Variants in SORCS1 observed in about 807,000 individuals in gnomAD.
The protein encoded by SORCS1 is sortilin related VPS10 domain containing receptor 1, also known as VPS10 domain-containing receptor SorCS1.
SORCS1 carries 60 observed loss-of-function variants against 146.1 expected under a neutral mutation model. That is an observed-to-expected ratio of 0.41 (90% CI 0.33 to 0.51). The LOEUF is 0.51. SORCS1 is among the 20% of genes least tolerant of loss of function. SORCS1 has a pLI of 0.21. For synonymous variants in SORCS1, 637 were observed against 584.0 expected (o/e 1.09, Z -1.31); for missense variants, 1,352 against 1,487.6 (o/e 0.91, Z 1.50).
chr10:107,117,925 T>A (rs1268062920), intron 1 of SORCS1, among the ~76,000 whole-genome samples: 2 of 152,142 alleles, frequency 1.3e-5, no homozygotes, highest in Non-Finnish European at 2.9e-5. Context: ...CAGTTGATGC[T>A]AGGATGAATT....
intron 5 of SORCS1, among the ~76,000 whole-genome samples, chr10:106,746,712 C>T (rs1857770205): frequency 6.6e-6 from 1 of 152,194 alleles, no homozygotes; most frequent in Non-Finnish European, 1.5e-5. Flanking sequence ...TCTTGGGCTT[C>T]CCTGGTTACC....
chr10:106,819,113 A>C (rs1947887262), intron 3 of SORCS1, among the ~76,000 whole-genome samples: 1 of 152,232 alleles, frequency 6.6e-6, no homozygotes, highest in South Asian at 2.1e-4. Flanking sequence ...AATTTGGAAC[A>C]GTTAAGAAGA....
At chr10:106,927,598 C>T (rs10884385) in intron 2 of SORCS1, among the ~76,000 whole-genome samples, 83,437 of 151,966 alleles carry the variant, frequency 0.55, 23,970 homozygotes, top group Non-Finnish European at 0.63. Context: ...CACATCCTGC[C>T]GATTGGTAGA....
At chr10:107,009,083 G>T (rs1957579117) in intron 1 of SORCS1, among the ~76,000 whole-genome samples, 1 of 152,218 alleles carries the variant, frequency 6.6e-6, no homozygotes, top group South Asian at 2.1e-4. Flanking sequence ...ATACCAGGAA[G>T]ATTTGTTATT....
At chr10:107,004,027 T>C (rs527530671) in intron 1 of SORCS1, among the ~76,000 whole-genome samples, 26 of 151,714 alleles carry the variant, frequency 1.7e-4, no homozygotes, top group Non-Finnish European at 2.9e-4. Flanking sequence ...TACAAAAAAT[T>C]AGCCAGGCGT....
intron 10 of SORCS1, among the ~76,000 whole-genome samples, chr10:106,685,807 G>C (rs896964459): frequency 6.6e-6 from 1 of 152,184 alleles, no homozygotes; most frequent in African/African-American, 2.4e-5. Context: ...GAAGCCATTA[G>C]AAGGTTTAAG....
intron 23 of SORCS1, among the ~76,000 whole-genome samples, chr10:106,599,164 G>A (rs1283043098): frequency 3.3e-5 from 5 of 152,002 alleles, no homozygotes; most frequent in Admixed American, 6.6e-5. Context: ...TCAGGAGTTC[G>A]AGACCAGCAT....
intron 2 of SORCS1, among the ~76,000 whole-genome samples, chr10:106,907,121 G>A (rs1399234760): frequency 6.6e-6 from 1 of 152,158 alleles, no homozygotes; most frequent in Non-Finnish European, 1.5e-5. Flanking sequence ...GTTCTGGAGA[G>A]TAACTGTGTA....
At chr10:107,167,385 G>T (rs1185619078), upstream of SORCS1, among the ~76,000 whole-genome samples, 1 of 152,184 alleles carries the variant, frequency 6.6e-6, no homozygotes, top group Non-Finnish European at 1.5e-5. Context: ...TAATAAGAAT[G>T]AGTCATTTGT....
At chr10:106,833,572 C>T (rs1391665140) in intron 2 of SORCS1, among the ~76,000 whole-genome samples, 2 of 152,164 alleles carry the variant, frequency 1.3e-5, no homozygotes, top group African/African-American at 4.8e-5. Context: ...CCTATGGTCT[C>T]TCACTCAGGG....
In SORCS1 at chr10:106,607,265, C is replaced by T. The variant is rs1454928110; in HGVS notation, c.3066G>A (p.Val1022=). The T allele has an allele frequency of 6.2e-7, 1 of 1,613,940 alleles. No individual in the cohort carries two copies. Residue 1022 remains valine, a synonymous_variant, in exon 23 of 26, where the codon GTG becomes GTA. Coordinates refer to ENST00000263054, the MANE Select transcript of SORCS1 (RefSeq NM_052918.5). The stretch of plus-strand genomic sequence containing the variant: ...TGGTGGGTAAGCCAGGGAGCACCGC[C>T]ACCAGGATGTGCTGGCCTGGAACCC... ...ATGVPGQHIL[V]AVLPGLPTTA...
chr10:107,019,232 G>T (rs1958030750), intron 1 of SORCS1, among the ~76,000 whole-genome samples: 1 of 152,016 alleles, frequency 6.6e-6, no homozygotes, highest in East Asian at 1.9e-4. Context: ...AAACATTTTT[G>T]AAAAATCAGA....
intron 1 of SORCS1, among the ~76,000 whole-genome samples, chr10:107,072,618 T>TAC (rs1055312343): frequency 1.3e-5 from 2 of 151,640 alleles, no homozygotes; most frequent in African/African-American, 4.9e-5. Flanking sequence ...CATATATATA[T>TAC]ACACACATAT....
intron 8 of SORCS1, 37 bp downstream of exon 8, chr10:106,706,508 G>T: frequency 1.3e-6 from 2 of 1,594,838 alleles, no homozygotes; most frequent in Non-Finnish European, 1.7e-6. Context: ...GTGAATGAGA[G>T]TCAAGAGTGA....
intron 1 of SORCS1, among the ~76,000 whole-genome samples, chr10:107,105,214 C>T (rs1341757193): frequency 1.3e-5 from 2 of 152,114 alleles, no homozygotes; most frequent in Non-Finnish European, 2.9e-5. Context: ...AATGAACTGT[C>T]TGGAGGGTCA....
At chr10:106,976,454 C>T (rs768090460) in intron 1 of SORCS1, among the ~76,000 whole-genome samples, 25 of 151,392 alleles carry the variant, frequency 1.7e-4, no homozygotes, top group Non-Finnish European at 3.2e-4. Context: ...GCCTTAGCCT[C>T]CCGAGTAGCT....
chr10:107,038,710 G>C (rs1388038218), intron 1 of SORCS1, among the ~76,000 whole-genome samples: 2 of 151,654 alleles, frequency 1.3e-5, no homozygotes, highest in East Asian at 3.9e-4. Context: ...GGGGGAGGTG[G>C]TAGTGGTGAG....
chr10:106,900,725 A>G (rs7095894), intron 2 of SORCS1, among the ~76,000 whole-genome samples: 12,009 of 152,138 alleles, frequency 0.079, 1,042 homozygotes, highest in African/African-American at 0.2. Flanking sequence ...ACTTATATCC[A>G]AATCCTACCC....
chr10:106,629,301 T>A lies in SORCS1; in HGVS notation c.2563A>T (p.Ile855Phe). ...CCCACGTTCTGATAGACGTGTTTGA[T>A]CCCATCTTCCATGGAGCTGAGATTG... ...YVNLSSMEDG[I>F]KHVYQNVGIF... Residue 855 changes from isoleucine to phenylalanine, a missense_variant, in exon 19 of 26, where the codon ATC becomes TTC. Ile to Phe is a conservative substitution (Grantham distance 21, BLOSUM62 0). Coordinates refer to ENST00000263054, the MANE Select transcript of SORCS1 (RefSeq NM_052918.5). 6.2e-7 allele frequency: 1 copy of A among 1,614,148 alleles called. No homozygotes were observed. Among genetic ancestry groups the A allele is most frequent in the Non-Finnish European group, 8.5e-7 (1 of 1,180,016 alleles).
Sources: allele counts gnomAD v4.1 joint callset (sites outside exome capture counted in the v4.1 genomes callset), GRCh38; gene constraint gnomAD v4.1.1; transcripts MANE v1.5; gene names NCBI Gene and HGNC (gene_info 2026-07-23, HGNC 2026-07-21).